Variants in AP4E1 observed in about 807,000 individuals in gnomAD.
AP4E1 encodes adaptor related protein complex 4 subunit epsilon 1.
Under a neutral mutation model 128.2 loss-of-function variants are expected in AP4E1, and 56 were observed. The observed-to-expected ratio is 0.44, with a 90% CI of 0.35 to 0.55. The LOEUF (loss-of-function observed/expected upper bound fraction) is 0.55. Ranked by LOEUF, AP4E1 falls within the 20% of genes least tolerant of loss-of-function variation. The probability of loss-of-function intolerance (pLI) is 0.00; values close to 1 mark genes in which losing one functional copy is unlikely to be tolerated. For missense variants in AP4E1, 1,324 were observed against 1,307.7 expected, an observed-to-expected ratio of 1.01 and a Z score of -0.19; for synonymous variants, 484 against 473.1, an observed-to-expected ratio of 1.02 and a Z score of -0.30.
rs1317309406 is a variant in AP4E1, at chr15:50,923,933, T to C, written c.349T>C (p.Tyr117His). The change falls in exon 4 of 21, where the codon TAT becomes CAT. Residue 117 changes from tyrosine (Y) to histidine (H), a missense_variant and splice_region_variant. Tyr to His is a moderately conservative substitution (Grantham distance 83). Coordinates refer to ENST00000261842, the MANE Select transcript of AP4E1 (RefSeq NM_007347.5). Reference sequence around the variant, plus strand: ...GACTTTTCCCTCAACTTTTATAGGTTATTTGGCTGTTTCCTTATTTCTACA... The same window carrying C: ...GACTTTTCCCTCAACTTTTATAGGTCATTTGGCTGTTTCCTTATTTCTACA... ...QGNLLEKRVG[Y>H]LAVSLFLHES... 1 of 1,610,926 alleles carries C rather than the reference T, an allele frequency of 6.2e-7. No homozygotes were observed. The highest frequency in any genetic ancestry group is 8.5e-7 in the Non-Finnish European group (1 of 1,177,554).
At position 50,930,837 on chromosome 15, in the gene AP4E1, G is replaced by A. The variant is rs146147470; in HGVS notation, c.735G>A (p.Gly245=). 6.2e-5 allele frequency: 100 copies of A among 1,614,086 alleles called. No homozygotes were observed. In the African/African-American group the frequency reaches 1.2e-3, roughly 20 times the overall value. ...ENSSGYKDLT[G]SFVTILKQVV... is the part of the protein sequence containing the mutation. Reference sequence around the variant, plus strand: ...CATCTGGATATAAAGACTTGACTGGGAGTTTTGTAACCATTTTGAAGCAAG... The same window carrying A: ...CATCTGGATATAAAGACTTGACTGGAAGTTTTGTAACCATTTTGAAGCAAG... The change falls in exon 7 of 21, where the codon GGG becomes GGA. Residue 245 remains glycine, a synonymous_variant. Transcript: ENST00000261842.
intron 8 of AP4E1, among the ~76,000 whole-genome samples, chr15:50,940,434 G>A (rs1380887647): frequency 1.3e-5 from 2 of 152,048 alleles, no homozygotes; most frequent in East Asian, 3.9e-4. Flanking sequence ...TGCATTAATC[G>A]ATAGGCAACA....
At chr15:50,956,692 C>T (rs906013074) in intron 13 of AP4E1, among the ~76,000 whole-genome samples, 1 of 152,176 alleles carries the variant, frequency 6.6e-6, no homozygotes, top group African/African-American at 2.4e-5. Flanking sequence ...AAACTGCCCC[C>T]ATGATTCAGT....
rs1223438340 is a variant in AP4E1, at chr15:51,005,571, A to G, written c.*2909A>G. The stretch of plus-strand genomic sequence containing the variant: ...TGTCCTGTAGAGGAGCATTATTTTA[A>G]ACAATGTTCTACTATCATCTACCAA... On this transcript the variant is annotated 3_prime_UTR_variant, in exon 21 of 21. Transcript: ENST00000261842. The G allele has an allele frequency of 6.6e-6, 1 of 152,588 alleles. No individual in the cohort carries two copies. Among genetic ancestry groups the G allele is most frequent in the Non-Finnish European group, 1.5e-5 (1 of 68,040 alleles). 9.5% of individuals were successfully genotyped at this position (152,588 alleles called of 1,614,324 possible).
At chr15:50,939,726 TG>T (rs1363604310) in intron 8 of AP4E1, among the ~76,000 whole-genome samples, 6 of 152,174 alleles carry the variant, frequency 3.9e-5, no homozygotes, top group Admixed American at 3.9e-4. Context: ...GGATGGGTAA[TG>T]GCAGGCTTTT....
At chr15:50,939,097 A>G (rs756656661) in intron 8 of AP4E1, among the ~76,000 whole-genome samples, 1 of 152,176 alleles carries the variant, frequency 6.6e-6, no homozygotes, top group South Asian at 2.1e-4. Flanking sequence ...TTTATGCTTT[A>G]TAGCATTTTA....
At chr15:50,917,821 C>T (rs977353921) in intron 3 of AP4E1, among the ~76,000 whole-genome samples, 2 of 152,262 alleles carry the variant, frequency 1.3e-5, no homozygotes, top group South Asian at 2.1e-4. Flanking sequence ...CAGTACAGGC[C>T]GGGTACAGTG....
intron 16 of AP4E1, among the ~76,000 whole-genome samples, chr15:50,990,592 G>T (rs949906044): frequency 6.6e-6 from 1 of 151,874 alleles, no homozygotes; most frequent in Non-Finnish European, 1.5e-5. Context: ...TGCCAAGTTG[G>T]CCAGGCTGGT....
At chr15:50,949,412 CAAAAAAAAA>C (rs55857377) in intron 11 of AP4E1, among the ~76,000 whole-genome samples, 3 of 70,432 alleles carry the variant, frequency 4.3e-5, no homozygotes, top group Non-Finnish European at 9.5e-5. Context: ...GATTCTGCCT[CAAAAAAAAA>C]AAAAAAAGGA....
At chr15:50,980,395 T>G (rs923200383) in intron 15 of AP4E1, among the ~76,000 whole-genome samples, 1 of 152,236 alleles carries the variant, frequency 6.6e-6, no homozygotes, top group African/African-American at 2.4e-5. Context: ...GCTGTATGGC[T>G]ACTTTTAAGT....
intron 14 of AP4E1, among the ~76,000 whole-genome samples, chr15:50,967,093 C>G (rs563450177): frequency 1.3e-5 from 2 of 152,110 alleles, no homozygotes; most frequent in East Asian, 1.9e-4. Context: ...AAAAATTATT[C>G]TCCTAACGCT....
chr15:50,922,404 A>G (rs915609644), intron 3 of AP4E1, among the ~76,000 whole-genome samples: 5 of 152,096 alleles, frequency 3.3e-5, no homozygotes, highest in Non-Finnish European at 5.9e-5. Context: ...GATTTGTTTC[A>G]ACTCTTAAGA....
chr15:50,962,143 C>A (rs1157269023), intron 14 of AP4E1, among the ~76,000 whole-genome samples: 2 of 151,892 alleles, frequency 1.3e-5, no homozygotes, highest in African/African-American at 2.4e-5. Flanking sequence ...GGAAATAAAT[C>A]CCATGCTCAT....
At chr15:50,941,337 G>A in intron 8 of AP4E1, 105 bp from the exon 9 acceptor site, 1 of 1,289,154 alleles carries the variant, frequency 7.8e-7, no homozygotes, top group Non-Finnish European at 1.1e-6. Flanking sequence ...TAAGATTTCT[G>A]ACTAAAATGG....
intron 8 of AP4E1, among the ~76,000 whole-genome samples, chr15:50,938,670 G>A (rs1372917628): frequency 6.6e-6 from 1 of 152,102 alleles, no homozygotes; most frequent in African/African-American, 2.4e-5. Flanking sequence ...GAGAAAGCCT[G>A]GTGGACAGTC....
At chr15:50,942,401 A>G (rs892149796) in intron 10 of AP4E1, among the ~76,000 whole-genome samples, 1 of 152,120 alleles carries the variant, frequency 6.6e-6, no homozygotes, top group African/African-American at 2.4e-5. Flanking sequence ...TCTTCCTATT[A>G]GTACAATTTC....
At chr15:50,930,725 G>T (rs2063822836) in intron 6 of AP4E1, 80 bp from the exon 7 acceptor site, 2 of 1,372,174 alleles carry the variant, frequency 1.5e-6, no homozygotes, top group South Asian at 1.2e-5. Flanking sequence ...ATTAAGTCAG[G>T]TTCTATATGA....
intron 15 of AP4E1, among the ~76,000 whole-genome samples, chr15:50,972,642 T>C (rs1188552595): frequency 6.6e-6 from 1 of 152,200 alleles, no homozygotes; most frequent in Non-Finnish European, 1.5e-5. Flanking sequence ...AAGTTTTGGA[T>C]ATGTGCATGT....
At chr15:50,924,468 A>T (rs1339914824) in intron 4 of AP4E1, among the ~76,000 whole-genome samples, 1 of 152,132 alleles carries the variant, frequency 6.6e-6, no homozygotes, top group African/African-American at 2.4e-5. Flanking sequence ...CTCACTCACA[A>T]TATTTTCTGT....
Sources: gnomAD v4.1 joint callset for allele counts (sites outside exome capture counted in the v4.1 genomes callset) on GRCh38, gnomAD v4.1.1 for gene constraint, MANE v1.5 for transcripts, NCBI Gene and HGNC (gene_info 2026-07-23, HGNC 2026-07-21) for gene names.